The following PCGF5 variants were observed in gnomAD, a reference collection of about 807,000 sequenced individuals.
PCGF5 encodes the protein polycomb group RING finger protein 5.
Under a neutral mutation model 44.3 loss-of-function variants are expected in PCGF5, and 9 were observed. That is an observed-to-expected ratio of 0.20 (90% CI 0.12 to 0.35). The LOEUF is 0.35. Ranked by LOEUF, PCGF5 falls within the 10% of genes least tolerant of loss-of-function variation. The probability of loss-of-function intolerance (pLI) is 1.00; values close to 1 mark genes in which losing one functional copy is unlikely to be tolerated. For missense variants in PCGF5, 146 were observed against 305.3 expected (o/e 0.48, Z 3.89); for synonymous variants, 95 against 102.5 (o/e 0.93, Z 0.44).
At chr10:91,192,972 G>T (rs1844060089) in intron 1 of PCGF5, among the ~76,000 whole-genome samples, 1 of 152,148 alleles carries the variant, frequency 6.6e-6, no homozygotes, top group Non-Finnish European at 1.5e-5. Context: ...GGTTAACCTG[G>T]ATTATCTGGG....
chr10:91,240,151 T>C (rs992190780), intron 2 of PCGF5, among the ~76,000 whole-genome samples: 1 of 132,428 alleles, frequency 7.6e-6, no homozygotes, highest in African/African-American at 3.0e-5. Context: ...TATCTTTTTC[T>C]GTCCTACTTC....
At chr10:91,232,548 A>G (rs1313868696) in intron 2 of PCGF5, among the ~76,000 whole-genome samples, 1 of 152,164 alleles carries the variant, frequency 6.6e-6, no homozygotes, top group East Asian at 1.9e-4. Flanking sequence ...AAGAATCTTC[A>G]GTAGATGGCA....
At chr10:91,220,652 C>A (rs1179779497), upstream of PCGF5, 7 of 151,462 alleles carry the variant, frequency 4.6e-5, no homozygotes, top group South Asian at 1.4e-3. Flanking sequence ...CCCCGAGGCC[C>A]GCCGCGCCCT....
intron 1 of PCGF5, among the ~76,000 whole-genome samples, chr10:91,167,628 G>C (rs1402261000): frequency 1.3e-5 from 2 of 152,180 alleles, no homozygotes; most frequent in African/African-American, 4.8e-5. Flanking sequence ...TAATGGGAGA[G>C]AATGCTGCAT....
At chr10:91,237,560 T>G (rs1395896607) in intron 2 of PCGF5, among the ~76,000 whole-genome samples, 2 of 152,114 alleles carry the variant, frequency 1.3e-5, no homozygotes, top group Admixed American at 6.5e-5. Flanking sequence ...CTGGCTAACA[T>G]GGCGAAACCC....
chr10:91,226,721 C>T (rs895170024), intron 2 of PCGF5, among the ~76,000 whole-genome samples: 1 of 152,044 alleles, frequency 6.6e-6, no homozygotes, highest in Non-Finnish European at 1.5e-5. Flanking sequence ...AAGGTGAGCT[C>T]ATCAAAAGGA....
chr10:91,196,142 G>A (rs1466105632), intron 1 of PCGF5, among the ~76,000 whole-genome samples: 4 of 152,030 alleles, frequency 2.6e-5, no homozygotes, highest in Non-Finnish European at 5.9e-5. Context: ...TATTTCACAT[G>A]GTGGCAGAGA....
At chr10:91,157,044 G>A in the PCGF5 span, among the ~76,000 whole-genome samples, 2 of 152,058 alleles carry the variant, frequency 1.3e-5, no homozygotes, top group South Asian at 2.1e-4. Context: ...ACTTCTCTGG[G>A]CCTCAGTTTT....
chr10:91,193,207 A>G (rs1452584188), intron 1 of PCGF5, among the ~76,000 whole-genome samples: 1 of 152,198 alleles, frequency 6.6e-6, no homozygotes, highest in Non-Finnish European at 1.5e-5. Flanking sequence ...AACTGAATCC[A>G]GCCAAAGACC....
At chr10:91,185,845 C>T (rs1843913964) in intron 1 of PCGF5, among the ~76,000 whole-genome samples, 1 of 151,926 alleles carries the variant, frequency 6.6e-6, no homozygotes, top group Non-Finnish European at 1.5e-5. Context: ...GTGTGGCTCC[C>T]TGGTGGGCCA....
chr10:91,170,263 AT>A (rs1181646184), intron 1 of PCGF5, among the ~76,000 whole-genome samples: 4 of 152,250 alleles, frequency 2.6e-5, no homozygotes, highest in Non-Finnish European at 2.9e-5. Context: ...GAAAGAATTG[AT>A]AAGCTGGACT....
Position 91,280,021 on chromosome 10 carries a change from T to A in PCGF5, c.*1705T>A, listed in dbSNP as rs928361058. 1.3e-5 allele frequency: 2 copies of A among 152,058 alleles called. No individual in the cohort carries two copies. Among genetic ancestry groups the A allele is most frequent in the Non-Finnish European group, 2.9e-5 (2 of 67,912 alleles). The allele number at this position is 152,058 out of a possible 1,614,324, so 9.4% of individuals were successfully genotyped here. The stretch of plus-strand genomic sequence containing the variant: ...TTTTCTGTTGTTGTTCCAACTTTGG[T>A]GAAAAAGGTTATGGCAATACTTTAA... On this transcript the variant is annotated 3_prime_UTR_variant, in exon 10 of 10. Coordinates refer to ENST00000336126, the MANE Select transcript of PCGF5 (RefSeq NM_032373.5).
chr10:91,163,775 G>A (rs776484696), intron 1 of PCGF5, among the ~76,000 whole-genome samples: 1 of 151,966 alleles, frequency 6.6e-6, no homozygotes, highest in Non-Finnish European at 1.5e-5. Context: ...GCAGGACCCG[G>A]CGGGACCCAC....
At chr10:91,266,133 T>C (rs547271233) in intron 8 of PCGF5, among the ~76,000 whole-genome samples, 79 of 152,340 alleles carry the variant, frequency 5.2e-4, no homozygotes, top group African/African-American at 1.8e-3. Context: ...GAGGAATGGA[T>C]ATTATGATAT....
intron 1 of PCGF5, among the ~76,000 whole-genome samples, chr10:91,221,903 A>C (rs543908623): frequency 6.6e-6 from 1 of 152,208 alleles, no homozygotes; most frequent in African/African-American, 2.4e-5. Flanking sequence ...AAAACTAGGG[A>C]AAGATTGCAC....
At chr10:91,170,389 T>C (rs1182985754) in intron 1 of PCGF5, among the ~76,000 whole-genome samples, 3 of 152,206 alleles carry the variant, frequency 2.0e-5, no homozygotes, top group Non-Finnish European at 4.4e-5. Context: ...TAGTCTGTTA[T>C]CTAAAATATA....
chr10:91,268,861 G>T (rs373728508), intron 8 of PCGF5, among the ~76,000 whole-genome samples: 3 of 152,048 alleles, frequency 2.0e-5, no homozygotes, highest in Admixed American at 6.6e-5. Flanking sequence ...ATTTTTGAAA[G>T]ATTTTTATCT....
At chr10:91,207,968 C>A (rs1052706875) in intron 1 of PCGF5, among the ~76,000 whole-genome samples, 1 of 152,056 alleles carries the variant, frequency 6.6e-6, no homozygotes, top group Non-Finnish European at 1.5e-5. Context: ...TGTAGGGGTA[C>A]CTTTTCCCCT....
chr10:91,251,472 A>G, intron 6 of PCGF5, 32 bp downstream of exon 6: 1 of 1,595,414 alleles, frequency 6.3e-7, no homozygotes, highest in Non-Finnish European at 8.6e-7. Context: ...TATTTTTATG[A>G]TCAGTTTATA....
Sources: allele counts gnomAD v4.1 joint callset (sites outside exome capture counted in the v4.1 genomes callset), GRCh38; gene constraint gnomAD v4.1.1; transcripts MANE v1.5; gene names NCBI Gene and HGNC (gene_info 2026-07-23, HGNC 2026-07-21).